Variants in SLCO1A2 observed in about 807,000 individuals in gnomAD.
SLCO1A2 encodes the protein OATP-1.
Under a neutral mutation model 69.0 loss-of-function variants are expected in SLCO1A2, and 67 were observed. That is an observed-to-expected ratio of 0.97 (90% CI 0.80 to 1.19). The LOEUF (loss-of-function observed/expected upper bound fraction) is 1.19. Ranked by LOEUF, SLCO1A2 falls within the 50% of genes most tolerant of loss-of-function variation. SLCO1A2 has a pLI of 0.00. For missense variants in SLCO1A2, 787 were observed against 793.7 expected, an observed-to-expected ratio of 0.99 and a Z score of 0.10; for synonymous variants, 260 against 265.9, an observed-to-expected ratio of 0.98 and a Z score of 0.22.
At chr12:21,274,107 A>T (rs1301360430) in intron 14 of SLCO1A2, 1 of 157,040 alleles carries the variant, frequency 6.4e-6, no homozygotes, top group African/African-American at 2.4e-5. Flanking sequence ...CAGACTCGTG[A>T]GATGATGAAA....
At chr12:21,362,712 A>C (rs1048184374) in intron 2 of SLCO1A2, among the ~76,000 whole-genome samples, 5 of 152,220 alleles carry the variant, frequency 3.3e-5, no homozygotes, top group Admixed American at 3.3e-4. Flanking sequence ...AAGATCTACC[A>C]AGCAAATGGA....
At chr12:21,371,342 T>C (rs1270713240) in intron 2 of SLCO1A2, among the ~76,000 whole-genome samples, 1 of 152,192 alleles carries the variant, frequency 6.6e-6, no homozygotes, top group Non-Finnish European at 1.5e-5. Flanking sequence ...CTACCTCATA[T>C]TCACCTTGTT....
chr12:21,375,307 G>A (rs1591897276), intron 1 of SLCO1A2, among the ~76,000 whole-genome samples: 1 of 152,270 alleles, frequency 6.6e-6, no homozygotes, highest in African/African-American at 2.4e-5. Context: ...AAATGAGTAT[G>A]TTTGAACATT....
At position 21,297,469 on chromosome 12, in the gene SLCO1A2, G is replaced by A; in HGVS notation, c.1010C>T (p.Ser337Phe). ...CTGTTCTAGGTATTTAGGCATGAAG[G>A]AGATCATGTTAACGAATGCATTGAA... Reference protein sequence around the residue: ...IQFNAFVNMISFMPKYLEQQY... With the variant: ...IQFNAFVNMIFFMPKYLEQQY... Residue 337 changes from serine to phenylalanine, a missense_variant, in exon 9 of 15, where the codon TCC (serine) becomes TTC (phenylalanine). Transcript: ENST00000683939. 3 of 1,612,242 alleles carry A rather than the reference G, an allele frequency of 1.9e-6. No homozygotes were observed. Among genetic ancestry groups the A allele is most frequent in the Non-Finnish European group, 2.5e-6 (3 of 1,178,564 alleles).
At chr12:21,325,313 TGAA>T (rs1488395433) in intron 2 of SLCO1A2, among the ~76,000 whole-genome samples, 2 of 151,674 alleles carry the variant, frequency 1.3e-5, no homozygotes, top group Non-Finnish European at 2.9e-5. Flanking sequence ...GATATTTAGG[TGAA>T]GAAGTTAAAA....
intron 2 of SLCO1A2, among the ~76,000 whole-genome samples, chr12:21,353,465 G>C (rs1438947185): frequency 2.0e-5 from 3 of 150,500 alleles, no homozygotes; most frequent in African/African-American, 7.3e-5. Flanking sequence ...TTTTGGGATG[G>C]TGCTCAGAAA....
intron 1 of SLCO1A2, among the ~76,000 whole-genome samples, chr12:21,406,826 G>A (rs947269228): frequency 1.3e-5 from 2 of 152,108 alleles, no homozygotes; most frequent in African/African-American, 4.8e-5. Context: ...AATAATTTTG[G>A]AGACAGATGC....
chr12:21,404,416 G>T (rs1265678289), intron 1 of SLCO1A2, among the ~76,000 whole-genome samples: 3 of 152,050 alleles, frequency 2.0e-5, no homozygotes, highest in East Asian at 1.9e-4. Flanking sequence ...GCTCAAGTTT[G>T]TGTTGGTCCC....
intron 2 of SLCO1A2, among the ~76,000 whole-genome samples, chr12:21,357,304 C>T (rs1030051316): frequency 2.1e-4 from 32 of 152,140 alleles, no homozygotes; most frequent in African/African-American, 7.7e-4. Flanking sequence ...GACACACACA[C>T]AGGGATAATG....
intron 8 of SLCO1A2, among the ~76,000 whole-genome samples, chr12:21,298,092 T>A (rs2136387414): frequency 6.6e-6 from 1 of 151,896 alleles, no homozygotes; most frequent in South Asian, 2.1e-4. Context: ...GTATCCGGAA[T>A]TTTTTTTTGC....
chr12:21,318,860 AATTC>A lies in SLCO1A2; in HGVS notation c.120_123del (p.Met40IlefsTer7). 6.2e-6 allele frequency: 10 copies of A among 1,611,456 alleles called. No homozygotes were observed. Among genetic ancestry groups the A allele is most frequent in the Non-Finnish European group, 7.6e-6 (9 of 1,178,470 alleles). On this transcript the variant is annotated frameshift_variant, in exon 3 of 15. Coordinates refer to ENST00000683939, the MANE Select transcript of SLCO1A2 (RefSeq NM_001386879.1). LOFTEE classifies it high-confidence loss of function. The stretch of plus-strand genomic sequence containing the variant: ...TGTCTCTCTATTTGTGTGAGCATGG[AATTC>A]ATATAAGATCCAGACAGTGTTTTGG...
At chr12:21,332,586 C>G (rs576675347) in intron 2 of SLCO1A2, among the ~76,000 whole-genome samples, 24 of 152,192 alleles carry the variant, frequency 1.6e-4, no homozygotes, top group African/African-American at 5.8e-4. Flanking sequence ...TTGGAAGGCT[C>G]TTGACCAAGA....
At chr12:21,408,809 A>G (rs1941864351) in intron 1 of SLCO1A2, among the ~76,000 whole-genome samples, 1 of 152,044 alleles carries the variant, frequency 6.6e-6, no homozygotes. Flanking sequence ...GCAAAAAGTG[A>G]GCTTGTTGTC....
intron 13 of SLCO1A2, 197 bp downstream of exon 13, chr12:21,275,163 G>A (rs781759020): frequency 5.1e-6 from 4 of 782,100 alleles, no homozygotes; most frequent in Non-Finnish European, 6.8e-6. Flanking sequence ...GGTGGGGGAA[G>A]GGGGGAGGGA....
intron 1 of SLCO1A2, among the ~76,000 whole-genome samples, chr12:21,407,021 C>T (rs1312557919): frequency 6.6e-6 from 1 of 152,150 alleles, no homozygotes; most frequent in African/African-American, 2.4e-5. Context: ...CCCATACCTA[C>T]CTCCTTGTTT....
chr12:21,364,906 C>G (rs77637403), intron 2 of SLCO1A2, among the ~76,000 whole-genome samples: 49,244 of 151,998 alleles, frequency 0.32, 8,292 homozygotes, highest in East Asian at 0.46. Flanking sequence ...AGGACACAAA[C>G]AAATGGAAGA....
At chr12:21,402,448 G>A (rs1198379096) in intron 1 of SLCO1A2, among the ~76,000 whole-genome samples, 1 of 152,006 alleles carries the variant, frequency 6.6e-6, no homozygotes, top group Non-Finnish European at 1.5e-5. Context: ...TTAAGGAAAT[G>A]CGATTGAAAA....
At chr12:21,394,722 C>A (rs1941347230) in intron 1 of SLCO1A2, among the ~76,000 whole-genome samples, 1 of 152,028 alleles carries the variant, frequency 6.6e-6, no homozygotes, top group Non-Finnish European at 1.5e-5. Context: ...GAATGCTGGT[C>A]CTGGGGAATA....
intron 2 of SLCO1A2, among the ~76,000 whole-genome samples, chr12:21,350,295 G>A (rs1937831504): frequency 1.3e-5 from 2 of 150,868 alleles, no homozygotes; most frequent in African/African-American, 4.9e-5. Flanking sequence ...ATTGTACAAA[G>A]GAATATTCAC....
Sources: allele counts gnomAD v4.1 joint callset (sites outside exome capture counted in the v4.1 genomes callset), GRCh38; gene constraint gnomAD v4.1.1; transcripts MANE v1.5; gene names NCBI Gene and HGNC (gene_info 2026-07-23, HGNC 2026-07-21).